PARD3: variants seen among roughly 807,000 people sequenced by gnomAD.
PARD3 encodes the protein par-3 family cell polarity regulator.
A neutral mutation model predicts 155.4 loss-of-function variants in PARD3; 75 were observed. That is an observed-to-expected ratio of 0.48 (90% CI 0.40 to 0.58). PARD3 has a LOEUF of 0.58. Among genes scored for constraint, PARD3 ranks in the 20% least tolerant of loss-of-function variants. The pLI is 0.00. For synonymous variants in PARD3, 576 were observed against 610.5 expected (o/e 0.94, Z 0.83); for missense variants, 1,642 against 1,721.7 (o/e 0.95, Z 0.82).
chr10:34,186,058 G>C (rs1950480658), intron 22 of PARD3, among the ~76,000 whole-genome samples: 1 of 151,864 alleles, frequency 6.6e-6, no homozygotes, highest in African/African-American at 2.4e-5. Context: ...CCTGAACTTG[G>C]GCCCAGGGAG....
intron 22 of PARD3, among the ~76,000 whole-genome samples, chr10:34,251,391 G>A (rs1005133781): frequency 2.0e-5 from 3 of 152,132 alleles, no homozygotes; most frequent in African/African-American, 7.2e-5. Flanking sequence ...AACATTTATG[G>A]GACTGCTCTG....
chr10:34,434,074 A>G (rs1190211603), intron 5 of PARD3, among the ~76,000 whole-genome samples: 1 of 152,182 alleles, frequency 6.6e-6, no homozygotes, highest in African/African-American at 2.4e-5. Context: ...TATGGCTAAG[A>G]ATAATGAGCT....
chr10:34,183,074 T>C (rs1950336006), intron 22 of PARD3, among the ~76,000 whole-genome samples: 1 of 152,244 alleles, frequency 6.6e-6, no homozygotes, highest in South Asian at 2.1e-4. Context: ...TATAAGCCTT[T>C]GGGGGATAAC....
chr10:34,387,120 C>T (rs1043092444), intron 7 of PARD3, among the ~76,000 whole-genome samples: 8 of 152,196 alleles, frequency 5.3e-5, no homozygotes, highest in African/African-American at 1.7e-4. Context: ...TACCAAGACT[C>T]ACTCCAGTTA....
At chr10:34,292,695 G>A (rs1021584787) in intron 20 of PARD3, among the ~76,000 whole-genome samples, 5 of 151,262 alleles carry the variant, frequency 3.3e-5, no homozygotes, top group African/African-American at 1.2e-4. Context: ...TGGCATCTTG[G>A]GAAAAAGAGG....
intron 12 of PARD3, among the ~76,000 whole-genome samples, chr10:34,365,901 A>T (rs931992699): frequency 1.1e-4 from 17 of 152,084 alleles, no homozygotes; most frequent in African/African-American, 2.4e-4. Context: ...AAAATCATTT[A>T]AAAAAATACA....
chr10:34,672,501 C>T (rs1320506310), intron 2 of PARD3, among the ~76,000 whole-genome samples: 3 of 152,158 alleles, frequency 2.0e-5, no homozygotes, highest in Non-Finnish European at 4.4e-5. Context: ...ACTTTAACTG[C>T]ATTATATCCA....
At chr10:34,154,623 G>T (rs554608633) in intron 22 of PARD3, among the ~76,000 whole-genome samples, 1 of 152,134 alleles carries the variant, frequency 6.6e-6, no homozygotes, top group Non-Finnish European at 1.5e-5. Context: ...AGACTAAAGC[G>T]CATTCATGGA....
At chr10:34,406,379 A>C (rs1013750126) in intron 5 of PARD3, among the ~76,000 whole-genome samples, 1 of 152,232 alleles carries the variant, frequency 6.6e-6, no homozygotes, top group Non-Finnish European at 1.5e-5. Flanking sequence ...AAACACAGTA[A>C]GAAATCAGTC....
chr10:34,378,584 A>C (rs1024094001), intron 9 of PARD3, among the ~76,000 whole-genome samples: 1 of 152,194 alleles, frequency 6.6e-6, no homozygotes, highest in Non-Finnish European at 1.5e-5. Flanking sequence ...AGGTATCTCT[A>C]GATAGAGGTA....
chr10:34,152,113 A>G (rs1948809175), intron 22 of PARD3, among the ~76,000 whole-genome samples: 2 of 152,056 alleles, frequency 1.3e-5, no homozygotes, highest in Non-Finnish European at 2.9e-5. Flanking sequence ...GAACCCTTTA[A>G]TTTTACCCCA....
chr10:34,603,241 T>A (rs2089944339), intron 2 of PARD3, among the ~76,000 whole-genome samples: 1 of 152,176 alleles, frequency 6.6e-6, no homozygotes. Context: ...GCTGCAAGTT[T>A]AAATCAGAAC....
chr10:34,192,201 G>C (rs1588696849), intron 22 of PARD3, among the ~76,000 whole-genome samples: 1 of 151,816 alleles, frequency 6.6e-6, no homozygotes, highest in South Asian at 2.1e-4. Flanking sequence ...CTGAGTAGTT[G>C]GGACTACAGG....
At chr10:34,581,236 T>TTTTTTTC (rs1326978395) in intron 2 of PARD3, among the ~76,000 whole-genome samples, 1 of 123,502 alleles carries the variant, frequency 8.1e-6, no homozygotes, top group East Asian at 2.1e-4. Context: ...TTTCTTTTCT[T>TTTTTTTC]TTTTTTTTTT....
chr10:34,595,683 T>C (rs1351159220), intron 2 of PARD3, among the ~76,000 whole-genome samples: 1 of 152,192 alleles, frequency 6.6e-6, no homozygotes, highest in Non-Finnish European at 1.5e-5. Flanking sequence ...AATAAGCTTT[T>C]ACATTGAAAC....
intron 1 of PARD3, among the ~76,000 whole-genome samples, chr10:34,733,515 ACT>A (rs1386528252): frequency 6.6e-6 from 1 of 151,776 alleles, no homozygotes. Context: ...ATTGAGTCTC[ACT>A]CTGTCACCCA....
At chr10:34,185,581 T>C (rs184762819) in intron 22 of PARD3, among the ~76,000 whole-genome samples, 58 of 152,246 alleles carry the variant, frequency 3.8e-4, no homozygotes, top group Non-Finnish European at 7.5e-4. Flanking sequence ...TGGATATTTA[T>C]TGAATTTTAT....
intron 22 of PARD3, among the ~76,000 whole-genome samples, chr10:34,238,092 T>C (rs1193147814): frequency 3.3e-5 from 5 of 152,228 alleles, no homozygotes; most frequent in Admixed American, 2.0e-4. Context: ...CCTCTAGCCA[T>C]TGAATTATTA....
At chr10:34,632,208 G>A (rs1020186530) in intron 2 of PARD3, among the ~76,000 whole-genome samples, 12 of 152,194 alleles carry the variant, frequency 7.9e-5, no homozygotes, top group Admixed American at 2.0e-4. Flanking sequence ...GCAGTGAGCC[G>A]AGATTGCGCC....
Sources: allele counts gnomAD v4.1 joint callset (sites outside exome capture counted in the v4.1 genomes callset), GRCh38; gene constraint gnomAD v4.1.1; transcripts MANE v1.5; gene names NCBI Gene and HGNC (gene_info 2026-07-23, HGNC 2026-07-21).